Variants in SNTG2 observed in about 807,000 individuals in gnomAD.
SNTG2 encodes syntrophin gamma 2, also known as gamma-2-syntrophin.
SNTG2 carries 74 observed loss-of-function variants against 70.9 expected under a neutral mutation model. The ratio of observed to expected loss-of-function variants is 1.04; its 90% CI spans 0.86 to 1.27. SNTG2 has a LOEUF of 1.27. Among genes scored for constraint, SNTG2 ranks in the 50% most tolerant of loss-of-function variants. The pLI is 0.00. For synonymous variants in SNTG2, 278 were observed against 273.8 expected, an observed-to-expected ratio of 1.02 and a Z score of -0.15; for missense variants, 717 against 690.7, an observed-to-expected ratio of 1.04 and a Z score of -0.43.
intron 13 of SNTG2, chr2:1,262,743 G>A (rs1281258449): frequency 1.3e-5 from 2 of 151,246 alleles, no homozygotes; most frequent in East Asian, 1.9e-4. Context: ...GCAACCGGAA[G>A]GCTCCGTGCA....
chr2:1,005,936 T>G, intron 1 of SNTG2, among the ~76,000 whole-genome samples: 1 of 147,172 alleles, frequency 6.8e-6, no homozygotes, highest in African/African-American at 2.5e-5. Flanking sequence ...ATGAAAAATT[T>G]TACATGCCAA....
chr2:1,231,768 G>T (rs903978601), intron 9 of SNTG2, among the ~76,000 whole-genome samples: 1 of 152,164 alleles, frequency 6.6e-6, no homozygotes, highest in Admixed American at 6.6e-5. Flanking sequence ...CCACCTTCCC[G>T]TGACAAACCC....
intron 1 of SNTG2, among the ~76,000 whole-genome samples, chr2:1,080,563 T>G (rs1664220323): frequency 6.6e-6 from 1 of 151,576 alleles, no homozygotes; most frequent in Admixed American, 6.6e-5. Flanking sequence ...CCTGTATGTG[T>G]GTGCATGAGT....
At chr2:1,278,790 A>T (rs1167315175) in intron 14 of SNTG2, among the ~76,000 whole-genome samples, 1 of 152,184 alleles carries the variant, frequency 6.6e-6, no homozygotes, top group African/African-American at 2.4e-5. Flanking sequence ...GGTTTCAGTT[A>T]CCCGTGGTCA....
intron 1 of SNTG2, among the ~76,000 whole-genome samples, chr2:1,078,273 A>G (rs1426727757): frequency 2.0e-5 from 3 of 152,360 alleles, no homozygotes; most frequent in East Asian, 1.9e-4. Flanking sequence ...TCTGTTGTCA[A>G]GCGGCACATG....
intron 9 of SNTG2, among the ~76,000 whole-genome samples, chr2:1,223,721 G>A (rs917023392): frequency 6.6e-6 from 1 of 152,188 alleles, no homozygotes; most frequent in African/African-American, 2.4e-5. Context: ...AGTGGATGGA[G>A]AAGGTTTTAA....
chr2:1,113,536 T>C (rs1666676038), intron 4 of SNTG2, among the ~76,000 whole-genome samples: 1 of 150,778 alleles, frequency 6.6e-6, no homozygotes, highest in African/African-American at 2.4e-5. Context: ...TGTACTGAGG[T>C]TTAACCCTTA....
intron 8 of SNTG2, among the ~76,000 whole-genome samples, chr2:1,205,371 C>T (rs545183063): frequency 1.3e-5 from 2 of 152,300 alleles, no homozygotes; most frequent in South Asian, 2.1e-4. Flanking sequence ...GCACAGTGCC[C>T]TCTAGAGATC....
chr2:1,253,179 G>A (rs28634713), intron 12 of SNTG2, among the ~76,000 whole-genome samples: 31,410 of 151,888 alleles, frequency 0.21, 4,383 homozygotes, highest in African/African-American at 0.39. Context: ...GAAGCACGTG[G>A]GGCCATGACT....
At chr2:1,011,880 T>C (rs1317406697) in intron 1 of SNTG2, among the ~76,000 whole-genome samples, 2 of 152,228 alleles carry the variant, frequency 1.3e-5, no homozygotes, top group Admixed American at 6.5e-5. Flanking sequence ...AGTGAAACTC[T>C]GCATTACACT....
rs940719390 is a variant in SNTG2 at position 1,353,763 on chromosome 2, C to G, written c.1489-13580C>G. ...GGAGGGGCCAGTCATCTCACAGACA[C>G]TTTGTGACAAATGTCCAGCAGTTTG... On this transcript the variant is annotated intron_variant, in intron 16 of 16. Transcript: ENST00000308624. This position sits in a 1 kb window ranked among gnomAD's most constrained non-coding sequence, Gnocchi z 4.2. 1 of 152,196 alleles carries G rather than the reference C, an allele frequency of 6.6e-6. No homozygotes were observed. Among genetic ancestry groups the G allele is most frequent in the Non-Finnish European group, 1.5e-5 (1 of 68,044 alleles). 9.4% of individuals were successfully genotyped at this position (152,196 alleles called of 1,614,324 possible). A position where few individuals can be genotyped will look rare whatever the true frequency, so the allele number is the denominator to read the frequency against.
chr2:1,073,498 C>G (rs1663711905), intron 1 of SNTG2, among the ~76,000 whole-genome samples: 1 of 152,148 alleles, frequency 6.6e-6, no homozygotes, highest in Non-Finnish European at 1.5e-5. Context: ...CTATTCCACA[C>G]TTAATAGACT....
chr2:1,156,054 G>A (rs890214290), intron 6 of SNTG2, among the ~76,000 whole-genome samples: 1 of 152,186 alleles, frequency 6.6e-6, no homozygotes, highest in African/African-American at 2.4e-5. Context: ...AGACCAAGGG[G>A]TAGATGGAGC....
chr2:1,234,696 G>T (rs1406788796), intron 9 of SNTG2, among the ~76,000 whole-genome samples: 2 of 152,176 alleles, frequency 1.3e-5, no homozygotes, highest in Non-Finnish European at 2.9e-5. Context: ...GGGGCTCCAC[G>T]TGCATTCACT....
intron 9 of SNTG2, among the ~76,000 whole-genome samples, chr2:1,225,540 G>T (rs73173559): frequency 1.3e-5 from 2 of 152,108 alleles, no homozygotes; most frequent in Non-Finnish European, 2.9e-5. Flanking sequence ...CTTGAGAGTC[G>T]GCTTTTACTG....
At chr2:991,326 A>G (rs1202030752) in intron 1 of SNTG2, among the ~76,000 whole-genome samples, 4 of 151,268 alleles carry the variant, frequency 2.6e-5, no homozygotes, top group African/African-American at 9.7e-5. Context: ...TAGTCAGTAC[A>G]TTAAATTGAA....
At chr2:1,204,991 C>T (rs1572719973) in intron 8 of SNTG2, among the ~76,000 whole-genome samples, 1 of 152,124 alleles carries the variant, frequency 6.6e-6, no homozygotes, top group South Asian at 2.1e-4. Context: ...TTATTATGTG[C>T]AGTATGATCT....
chr2:1,357,464 G>A (rs1660913063), intron 16 of SNTG2, among the ~76,000 whole-genome samples: 1 of 152,210 alleles, frequency 6.6e-6, no homozygotes, highest in African/African-American at 2.4e-5. Context: ...TCCTTTTCAT[G>A]TGCTATTGAA....
intron 1 of SNTG2, among the ~76,000 whole-genome samples, chr2:984,480 C>T (rs1278558991): frequency 1.3e-5 from 2 of 152,098 alleles, no homozygotes; most frequent in African/African-American, 4.8e-5. Flanking sequence ...GTAGAAGATA[C>T]TCGGTGCTTC....
Sources: gnomAD v4.1 joint callset for allele counts (sites outside exome capture counted in the v4.1 genomes callset) on GRCh38, gnomAD v4.1.1 for gene constraint, Gnocchi (gnomAD v3.1) non-coding constraint, MANE v1.5 for transcripts, NCBI Gene and HGNC (gene_info 2026-07-23, HGNC 2026-07-21) for gene names.